The following TMEM163 variants were observed in gnomAD, a reference collection of about 807,000 sequenced individuals.
TMEM163 encodes the protein transmembrane protein 163.
A neutral mutation model predicts 29.3 loss-of-function variants in TMEM163; 17 were observed. The ratio of observed to expected loss-of-function variants is 0.58; its 90% confidence interval spans 0.40 to 0.87. TMEM163 has a LOEUF of 0.87. Among genes scored for constraint, TMEM163 ranks in the 40% least tolerant of loss-of-function variants. The probability of loss-of-function intolerance (pLI) is 0.00; values close to 1 mark genes in which losing one functional copy is unlikely to be tolerated. For missense variants in TMEM163, 303 were observed against 381.5 expected, an observed-to-expected ratio of 0.79 and a Z score of 1.71; for synonymous variants, 157 against 160.6, an observed-to-expected ratio of 0.98 and a Z score of 0.17.
chr2:134,718,955 C>G lies in TMEM163; in HGVS notation c.-20G>C, dbSNP rs1293982436. The G allele has an allele frequency of 2.9e-6, 3 of 1,024,580 alleles. No individual in the cohort carries two copies. The highest frequency in any genetic ancestry group is 3.5e-6 in the Non-Finnish European group (3 of 857,530). 63.5% of individuals were successfully genotyped at this position (1,024,580 alleles called of 1,614,324 possible). On this transcript the variant is annotated 5_prime_UTR_variant, in exon 1 of 8. Transcript: ENST00000281924. ...CTCCATGGCGCGGGGCTGCGGATCC[C>G]GGCGGCGGCGACGACAAGCGCGGCG...
chr2:134,691,910 A>G (rs574843507), intron 2 of TMEM163, among the ~76,000 whole-genome samples: 1 of 152,304 alleles, frequency 6.6e-6, no homozygotes, highest in East Asian at 1.9e-4. Context: ...ACGTTACCTT[A>G]ATAAGCAACA....
At chr2:134,610,887 T>C (rs929190915) in intron 2 of TMEM163, among the ~76,000 whole-genome samples, 1 of 152,068 alleles carries the variant, frequency 6.6e-6, no homozygotes, top group Admixed American at 6.5e-5. Flanking sequence ...TGCTACAGAT[T>C]AGGCAAAATC....
chr2:134,686,509 G>T (rs1684354886), intron 2 of TMEM163, among the ~76,000 whole-genome samples: 1 of 152,062 alleles, frequency 6.6e-6, no homozygotes, highest in South Asian at 2.1e-4. Context: ...AAAAGCAAGG[G>T]ACTACTTGAC....
Position 134,456,838 on chromosome 2 carries a change from C to T in TMEM163, c.810-62G>A, listed in dbSNP as rs184503413. The T allele has an allele frequency of 1.6e-5, 25 of 1,533,938 alleles. No individual in the cohort carries two copies. The East Asian group carries it at 2.6e-4, about 16-fold the overall frequency. ...CATGGGGCTGAAGAGCTTGGGGAAG[C>T]GTATTTTCATTTTTTTTTTCCTGAG... On this transcript the variant is annotated intron_variant, in intron 7 of 7. Transcript: ENST00000281924.
intron 4 of TMEM163, among the ~76,000 whole-genome samples, chr2:134,537,568 G>A (rs932003449): frequency 1.3e-5 from 2 of 152,158 alleles, no homozygotes; most frequent in Admixed American, 1.3e-4. Flanking sequence ...GGGAATTAGG[G>A]CTTCAATACA....
intron 2 of TMEM163, among the ~76,000 whole-genome samples, chr2:134,651,566 G>A (rs1460974472): frequency 2.4e-5 from 3 of 126,574 alleles, no homozygotes; most frequent in East Asian, 2.1e-4. Context: ...CCATTTGTCA[G>A]TTTTGGCTTT....
intron 2 of TMEM163, among the ~76,000 whole-genome samples, chr2:134,661,172 T>TCTCG (rs1683741471): frequency 6.6e-6 from 1 of 151,884 alleles, no homozygotes; most frequent in Non-Finnish European, 1.5e-5. Context: ...GCTCTCTCTC[T>TCTCG]CTCTCTCTCT....
chr2:134,612,542 A>ACACACAC (rs1682528191), intron 2 of TMEM163, among the ~76,000 whole-genome samples: 1 of 140,568 alleles, frequency 7.1e-6, no homozygotes. Context: ...GGTTTGCCCC[A>ACACACAC]ACACACACAC....
In TMEM163 at chr2:134,534,274, T is replaced by A. The variant is rs77806115; in HGVS notation, c.458+16296A>T. 6.3e-3 allele frequency among the ~76,000 whole-genome samples: 960 copies of A among 151,560 alleles called. 20 individuals are homozygous for A. Among genetic ancestry groups the A allele is most frequent in the African/African-American group, 0.021 (885 of 41,276 alleles). ...TCTGATTGATAAAACTGGACTTTTTTAAAAAAAATGCTACCTTCTCACATA... is the reference window on the plus strand; with the variant it reads ...TCTGATTGATAAAACTGGACTTTTTAAAAAAAAATGCTACCTTCTCACATA... On this transcript the variant is annotated intron_variant, in intron 4 of 7. Coordinates refer to ENST00000281924, the MANE Select transcript of TMEM163 (RefSeq NM_030923.5).
intron 2 of TMEM163, among the ~76,000 whole-genome samples, chr2:134,623,506 G>A (rs1237562205): frequency 2.0e-5 from 3 of 152,124 alleles, no homozygotes; most frequent in Non-Finnish European, 4.4e-5. Flanking sequence ...AGTGGCTCAC[G>A]CCTGTAATCC....
In TMEM163 at chr2:134,706,692, T is replaced by C. The variant is rs1684819940; in HGVS notation, c.322+6508A>G. On this transcript the variant is annotated intron_variant, in intron 2 of 7. Coordinates refer to ENST00000281924, the MANE Select transcript of TMEM163 (RefSeq NM_030923.5). The stretch of plus-strand genomic sequence containing the variant: ...ACTAAGGGAAGAGCAGGTACGTGGG[T>C]TTGGGGCAAGAAACAGGACACAGCC... Among the ~76,000 whole-genome samples, 2 of 152,020 alleles carry C rather than the reference T, an allele frequency of 1.3e-5. 1 individual carries two copies. The highest frequency in any genetic ancestry group is 4.2e-4 in the South Asian group (2 of 4,816).
chr2:134,478,720 C>A (rs1015304243), intron 5 of TMEM163, among the ~76,000 whole-genome samples: 1 of 152,108 alleles, frequency 6.6e-6, no homozygotes, highest in African/African-American at 2.4e-5. Context: ...GGGAAGGAAT[C>A]CAAGCAGCCT....
chr2:134,691,058 G>A (rs1186666000), intron 2 of TMEM163, among the ~76,000 whole-genome samples: 1 of 152,194 alleles, frequency 6.6e-6, no homozygotes, highest in African/African-American at 2.4e-5. Context: ...GTAGTCAGGG[G>A]TGGGGGAGGC....
At chr2:134,713,693 A>G in intron 1 of TMEM163, 1 of 462,856 alleles carries the variant, frequency 2.2e-6, no homozygotes, top group Non-Finnish European at 4.3e-6. Context: ...TCTGTTAGGA[A>G]AACAGCACAA....
chr2:134,530,719 A>G (rs1680398380), intron 4 of TMEM163, among the ~76,000 whole-genome samples: 1 of 152,236 alleles, frequency 6.6e-6, no homozygotes, highest in African/African-American at 2.4e-5. Flanking sequence ...TCAGTAACAT[A>G]TGCCTTCTTT....
chr2:134,596,116 A>G (rs891647050), intron 2 of TMEM163, among the ~76,000 whole-genome samples: 56 of 152,118 alleles, frequency 3.7e-4, no homozygotes, highest in African/African-American at 1.3e-3. Context: ...CTTTAGTTTA[A>G]TTCGATCTCA....
At position 134,577,004 on chromosome 2, in the gene TMEM163, G is replaced by A. The variant is rs1025242396; in HGVS notation, c.323-24913C>T. ...TTGTCTGCCATGTTCCGATTCCTCT[G>A]GCCTGGAAGCTCCAGGAGCTGCAGC... On this transcript the variant is annotated intron_variant, in intron 2 of 7. Coordinates refer to ENST00000281924, the MANE Select transcript of TMEM163 (RefSeq NM_030923.5). Among the ~76,000 whole-genome samples the A allele has an allele frequency of 2.0e-5, 3 of 152,054 alleles. No individual in the cohort carries two copies. In the East Asian group the frequency reaches 5.8e-4, roughly 29 times the overall value.
intron 5 of TMEM163, among the ~76,000 whole-genome samples, chr2:134,493,926 G>GA (rs1467413402): frequency 6.6e-6 from 1 of 152,146 alleles, no homozygotes; most frequent in East Asian, 1.9e-4. Context: ...CACTTGACTA[G>GA]ATATGTGCAG....
intron 2 of TMEM163, among the ~76,000 whole-genome samples, chr2:134,687,581 C>T (rs374122308): frequency 6.6e-6 from 1 of 152,106 alleles, no homozygotes; most frequent in East Asian, 1.9e-4. Flanking sequence ...GTGAATATGG[C>T]GAAGGTGGCA....
Sources: gnomAD v4.1 joint callset for allele counts (sites outside exome capture counted in the v4.1 genomes callset) on GRCh38, gnomAD v4.1.1 for gene constraint, MANE v1.5 for transcripts, NCBI Gene and HGNC (gene_info 2026-07-23, HGNC 2026-07-21) for gene names.